CAPN2: variants seen among roughly 807,000 people sequenced by gnomAD.
CAPN2 encodes calpain-2 catalytic subunit.
A neutral mutation model predicts 102.3 loss-of-function variants in CAPN2; 92 were observed. That is an observed-to-expected ratio of 0.90 (90% CI 0.76 to 1.07). CAPN2 has a LOEUF of 1.07. Ranked by LOEUF, CAPN2 falls within the 50% of genes least tolerant of loss-of-function variation. The pLI is 0.00. For missense variants in CAPN2, 800 were observed against 909.4 expected (o/e 0.88, Z 1.55); for synonymous variants, 340 against 355.4 (o/e 0.96, Z 0.49).
At chr1:223,710,515 A>T (rs1659705656), upstream of CAPN2, among the ~76,000 whole-genome samples, 1 of 152,064 alleles carries the variant, frequency 6.6e-6, no homozygotes, top group African/African-American at 2.4e-5. Context: ...GGCTCTTAAA[A>T]TTTTAACCTG....
chr1:223,734,698 C>T (rs757332583), intron 2 of CAPN2, among the ~76,000 whole-genome samples: 1 of 152,182 alleles, frequency 6.6e-6, no homozygotes, highest in African/African-American at 2.4e-5. Flanking sequence ...AGGTCTGGCA[C>T]ACCATGTACC....
chr1:223,773,373 A>G (rs1182777145), intron 20 of CAPN2: 1 of 152,252 alleles, frequency 6.6e-6, no homozygotes, highest in Admixed American at 6.5e-5. Flanking sequence ...CCTGGCCAAC[A>G]TGGTGAAACC....
At chr1:223,702,105 A>AAGGAAGGAAGGAAGGAAGGAAG (rs1553343526) in intron 1 of CAPN2, among the ~76,000 whole-genome samples, 4 of 84,608 alleles carry the variant, frequency 4.7e-5, no homozygotes, top group East Asian at 8.6e-4. Flanking sequence ...AAAGAAGGAA[A>AAGGAAGGAAGGAAGGAAGGAAG]GAAGGAAGGA....
intron 1 of CAPN2, among the ~76,000 whole-genome samples, chr1:223,714,654 C>T (rs1659829721): frequency 6.7e-6 from 1 of 149,748 alleles, no homozygotes; most frequent in Non-Finnish European, 1.5e-5. Context: ...AAACACAAAC[C>T]AAGAGAATGT....
At chr1:223,730,469 G>C (rs1433997491) in intron 2 of CAPN2, among the ~76,000 whole-genome samples, 2 of 152,034 alleles carry the variant, frequency 1.3e-5, no homozygotes, top group Non-Finnish European at 2.9e-5. Context: ...ATAGAATGTA[G>C]ATTTTCCCAC....
At chr1:223,757,671 G>A (rs1336137561) in intron 11 of CAPN2, 1 of 491,250 alleles carries the variant, frequency 2.0e-6, no homozygotes, top group Non-Finnish European at 3.6e-6. Context: ...TGAGACTGCA[G>A]GAGGCTTTTC....
intron 9 of CAPN2, among the ~76,000 whole-genome samples, 164 bp downstream of exon 9, chr1:223,753,120 C>CT (rs1390297973): frequency 6.6e-6 from 1 of 150,896 alleles, no homozygotes; most frequent in African/African-American, 2.5e-5. Context: ...CTTTTCTTTT[C>CT]CCTGAGCCTT....
chr1:223,750,307 A>T (rs185727752), intron 6 of CAPN2, among the ~76,000 whole-genome samples: 22 of 152,212 alleles, frequency 1.4e-4, no homozygotes, highest in African/African-American at 5.1e-4. Flanking sequence ...AGACGTTATG[A>T]CACTTCCCTC....
intron 5 of CAPN2, among the ~76,000 whole-genome samples, chr1:223,747,911 G>A (rs1660786255): frequency 6.6e-6 from 1 of 152,214 alleles, no homozygotes; most frequent in African/African-American, 2.4e-5. Context: ...GAAGCCAAGG[G>A]TTGCTAGGCA....
Position 223,756,133 on chromosome 1 carries a change from G to C in CAPN2, c.1305+484G>C, listed in dbSNP as rs1373483855. Among the ~76,000 whole-genome samples, 1 of 152,140 alleles carries C rather than the reference G, an allele frequency of 6.6e-6. No individual in the cohort carries two copies. ...GCTCCCCCCAGGGCTCTGATGGCTG[G>C]AGCCCAGATCCCTACACAGACTCCT... On this transcript the variant is annotated intron_variant, in intron 10 of 20. Transcript: ENST00000295006. The surrounding 1 kb of genome is among the most constrained non-coding windows in gnomAD (Gnocchi z 4.1).
intron 2 of CAPN2, among the ~76,000 whole-genome samples, chr1:223,737,720 G>GTAA (rs1223273914): frequency 9.4e-4 from 1 of 1,062 alleles, no homozygotes; most frequent in African/African-American, 1.3e-3. Flanking sequence ...GGGGTGGGGG[G>GTAA]GAGAGAATAC....
chr1:223,741,385 CT>C (rs1200093748), intron 2 of CAPN2, among the ~76,000 whole-genome samples: 1 of 145,906 alleles, frequency 6.9e-6, no homozygotes, highest in African/African-American at 2.6e-5. Context: ...ATTTGGAAAA[CT>C]GATGAAAAAC....
intron 6 of CAPN2, among the ~76,000 whole-genome samples, chr1:223,750,244 T>C (rs28370071): frequency 1.6e-3 from 248 of 152,336 alleles, no homozygotes; most frequent in African/African-American, 5.5e-3. Flanking sequence ...ACATTTGCCA[T>C]GTCTGCTTTA....
chr1:223,712,048 TC>T (rs1251880925), upstream of CAPN2, among the ~76,000 whole-genome samples: 2 of 152,224 alleles, frequency 1.3e-5, no homozygotes, highest in Non-Finnish European at 2.9e-5. Flanking sequence ...ATTTAGCGTC[TC>T]CGAGGCTCAG....
rs1351217173 is a variant in CAPN2, at chr1:223,712,780, A to T, written c.140A>T (p.Gln47Leu). 6.3e-7 allele frequency: 1 copy of T among 1,579,316 alleles called. No homozygotes were observed. The highest frequency in any genetic ancestry group is 1.8e-5 in the Admixed American group (1 of 56,106). The change falls in exon 1 of 21, where the codon CAG becomes CTG. Residue 47 changes from glutamine to leucine, a missense_variant. Transcript: ENST00000295006. The stretch of plus-strand genomic sequence containing the variant: ...TGCCTGGAGGCCGGGACGCTCTTCC[A>T]GGACCCGTCCTTCCCGGCCATCCCC... ...NECLEAGTLFQDPSFPAIPSA... is the reference protein window; with the variant it reads ...NECLEAGTLFLDPSFPAIPSA...
chr1:223,718,931 C>T (rs1037229341), intron 2 of CAPN2, among the ~76,000 whole-genome samples: 1 of 152,158 alleles, frequency 6.6e-6, no homozygotes, highest in Non-Finnish European at 1.5e-5. Context: ...GCTAGACTCC[C>T]TAAGACGGGA....
intron 16 of CAPN2, 32 bp downstream of exon 16, chr1:223,766,463 C>T: frequency 1.3e-6 from 2 of 1,507,802 alleles, no homozygotes. Flanking sequence ...GGAATAGAGA[C>T]TGGGGGAGTT....
Position 223,754,246 on chromosome 1 carries a change from T to A in CAPN2, c.1136-1234T>A, listed in dbSNP as rs1389962857. Among the ~76,000 whole-genome samples, 1 of 152,240 alleles carries A rather than the reference T, an allele frequency of 6.6e-6. No individual in the cohort carries two copies. The highest frequency in any genetic ancestry group is 2.4e-5 in the African/African-American group (1 of 41,454). On this transcript the variant is annotated intron_variant, in intron 9 of 20. Transcript: ENST00000295006. The surrounding 1 kb of genome is among the most constrained non-coding windows in gnomAD (Gnocchi z 4.7). Reference sequence around the variant, plus strand: ...ACAGAGCAAGTAGTCAGACTGCGGCTAGCTGGCCTACAGTTCTGGGGCTCG... The same window carrying A: ...ACAGAGCAAGTAGTCAGACTGCGGCAAGCTGGCCTACAGTTCTGGGGCTCG...
intron 1 of CAPN2, among the ~76,000 whole-genome samples, chr1:223,702,423 T>C (rs1174030527): frequency 1.3e-5 from 2 of 148,224 alleles, no homozygotes; most frequent in African/African-American, 5.0e-5. Context: ...TGAGACCCTG[T>C]CTAAAAAAAC....
Sources: gnomAD v4.1 joint callset for allele counts (sites outside exome capture counted in the v4.1 genomes callset) on GRCh38, gnomAD v4.1.1 for gene constraint, Gnocchi (gnomAD v3.1) non-coding constraint, MANE v1.5 for transcripts, NCBI Gene and HGNC (gene_info 2026-07-23, HGNC 2026-07-21) for gene names.